Variants in CAMK4 observed in about 807,000 individuals in gnomAD.
CAMK4 encodes calcium/calmodulin dependent protein kinase IV.
CAMK4 carries 22 observed loss-of-function variants against 44.9 expected under a neutral mutation model. That is an observed-to-expected ratio of 0.49 (90% confidence interval 0.35 to 0.70). The LOEUF (loss-of-function observed/expected upper bound fraction) is 0.70, where lower values mean the gene tolerates loss of function less well. Ranked by LOEUF, CAMK4 falls within the 30% of genes least tolerant of loss-of-function variation. The pLI is 0.01. For synonymous variants in CAMK4, 218 were observed against 215.4 expected (o/e 1.01, Z -0.11); for missense variants, 498 against 586.8 (o/e 0.85, Z 1.56).
chr5:111,318,548 C>T (rs999080988), intron 1 of CAMK4, among the ~76,000 whole-genome samples: 11 of 152,050 alleles, frequency 7.2e-5, no homozygotes, highest in African/African-American at 2.7e-4. Context: ...GGTGGAGGAA[C>T]TAACAGAGTG....
chr5:111,257,964 G>T (rs150950137), intron 1 of CAMK4, among the ~76,000 whole-genome samples: 126 of 152,212 alleles, frequency 8.3e-4, no homozygotes, highest in African/African-American at 2.8e-3. Context: ...TGGACAATGA[G>T]ATACCATCTC....
chr5:111,235,904 G>T (rs942489537), intron 1 of CAMK4, among the ~76,000 whole-genome samples: 5 of 152,290 alleles, frequency 3.3e-5, no homozygotes, highest in Middle Eastern at 3.4e-3. Context: ...CTGAGGCGGG[G>T]AGCACCAAGC....
At chr5:111,363,197 C>A (rs1381834914) in intron 2 of CAMK4, among the ~76,000 whole-genome samples, 2 of 152,070 alleles carry the variant, frequency 1.3e-5, no homozygotes, top group Non-Finnish European at 2.9e-5. Flanking sequence ...GAAAGAGAAT[C>A]TAGAGGCTCT....
chr5:111,431,571 A>T (rs947683906), intron 5 of CAMK4, among the ~76,000 whole-genome samples: 1 of 152,182 alleles, frequency 6.6e-6, no homozygotes, highest in Non-Finnish European at 1.5e-5. Flanking sequence ...AAGTGAAGAG[A>T]CAACCCACAG....
intron 1 of CAMK4, among the ~76,000 whole-genome samples, chr5:111,225,308 T>C (rs758031666): frequency 2.0e-5 from 3 of 152,188 alleles, no homozygotes; most frequent in Non-Finnish European, 2.9e-5. Flanking sequence ...TTTATTTAAA[T>C]TATATATGCA....
intron 2 of CAMK4, among the ~76,000 whole-genome samples, chr5:111,370,942 C>G (rs974912069): frequency 1.5e-5 from 2 of 131,422 alleles, no homozygotes; most frequent in Admixed American, 1.5e-4. Flanking sequence ...CAACGTGTAT[C>G]CTTATGTTTT....
chr5:111,264,520 T>G (rs1259324102), intron 1 of CAMK4, among the ~76,000 whole-genome samples: 1 of 152,172 alleles, frequency 6.6e-6, no homozygotes, highest in African/African-American at 2.4e-5. Context: ...CTTTATTCAG[T>G]GTCGTTTGTC....
intron 2 of CAMK4, among the ~76,000 whole-genome samples, chr5:111,369,369 C>A (rs1393738125): frequency 6.6e-6 from 1 of 152,004 alleles, no homozygotes; most frequent in Non-Finnish European, 1.5e-5. Context: ...CCAGCTGATA[C>A]AAAATTATTG....
chr5:111,247,214 ATAG>A (rs929944713), intron 1 of CAMK4, among the ~76,000 whole-genome samples: 5 of 151,120 alleles, frequency 3.3e-5, no homozygotes, highest in Admixed American at 1.3e-4. Flanking sequence ...ATATGTAAAA[ATAG>A]TAGGATATAG....
chr5:111,419,576 G>T (rs1752945939), intron 5 of CAMK4, among the ~76,000 whole-genome samples: 1 of 152,074 alleles, frequency 6.6e-6, no homozygotes, highest in Non-Finnish European at 1.5e-5. Context: ...TATGGTTTTA[G>T]GTCTAACATG....
chr5:111,250,956 A>G (rs1482529189), intron 1 of CAMK4, among the ~76,000 whole-genome samples: 1 of 152,122 alleles, frequency 6.6e-6, no homozygotes, highest in Non-Finnish European at 1.5e-5. Context: ...GCACCCAGCC[A>G]TTATTTATGT....
In CAMK4 at chr5:111,406,521, G is replaced by C. The variant is rs535692566; in HGVS notation, c.459+11739G>C. Among the ~76,000 whole-genome samples, 4 of 129,460 alleles carry C rather than the reference G, an allele frequency of 3.1e-5. No homozygotes were observed. In the East Asian group the frequency reaches 1.0e-3, roughly 33 times the overall value. The allele number at this position is 129,460 out of a possible 152,430, so 84.9% of individuals were successfully genotyped here. On this transcript the variant is annotated intron_variant, in intron 5 of 10. Coordinates refer to ENST00000282356, the MANE Select transcript of CAMK4 (RefSeq NM_001744.6). ...TTACAGGTGTGAGCCTCCGTACCTG[G>C]CCAATTTTTTTCTTTTTACGCTCTT...
intron 7 of CAMK4, among the ~76,000 whole-genome samples, chr5:111,458,721 T>C (rs1178669118): frequency 6.6e-6 from 1 of 152,096 alleles, no homozygotes; most frequent in African/African-American, 2.4e-5. Flanking sequence ...ATGGAATATA[T>C]AAGCAAAAAT....
intron 1 of CAMK4, among the ~76,000 whole-genome samples, chr5:111,328,538 A>T (rs920988930): frequency 1.3e-5 from 2 of 151,812 alleles, no homozygotes; most frequent in Admixed American, 6.6e-5. Context: ...TTTTTTCCGA[A>T]TCTGTGAAGA....
rs143537786 is a variant in CAMK4, at chr5:111,242,687, C to T, written c.161+18043C>T. On this transcript the variant is annotated intron_variant, in intron 1 of 10. Coordinates refer to ENST00000282356, the MANE Select transcript of CAMK4 (RefSeq NM_001744.6). ...GCAGGTCTTTTCAGAACAGCCGTTGCGCTTGCCGTCTTACGCCCACCACTC... is the reference window on the plus strand; with the variant it reads ...GCAGGTCTTTTCAGAACAGCCGTTGTGCTTGCCGTCTTACGCCCACCACTC... 4.6e-3 allele frequency among the ~76,000 whole-genome samples: 697 copies of T among 152,214 alleles called. 7 individuals carry two copies. The highest frequency in any genetic ancestry group is 0.019 in the East Asian group (96 of 5,170).
At chr5:111,396,514 G>A (rs927976510) in intron 5 of CAMK4, among the ~76,000 whole-genome samples, 1 of 150,540 alleles carries the variant, frequency 6.6e-6, no homozygotes, top group African/African-American at 2.4e-5. Flanking sequence ...TCCAACTTCA[G>A]TTGAATCTTT....
chr5:111,471,421 A>T (rs1205862142), intron 7 of CAMK4, among the ~76,000 whole-genome samples: 1 of 152,190 alleles, frequency 6.6e-6, no homozygotes, highest in Non-Finnish European at 1.5e-5. Flanking sequence ...AAAATGAGTT[A>T]TCCACTTGTA....
At chr5:111,379,855 G>C (rs1207471877) in intron 4 of CAMK4, among the ~76,000 whole-genome samples, 2 of 151,986 alleles carry the variant, frequency 1.3e-5, no homozygotes, top group Non-Finnish European at 2.9e-5. Flanking sequence ...ATTAAACATA[G>C]TCAAAATCCA....
chr5:111,419,700 A>C (rs1752951123), intron 5 of CAMK4, among the ~76,000 whole-genome samples: 1 of 152,142 alleles, frequency 6.6e-6, no homozygotes, highest in Non-Finnish European at 1.5e-5. Context: ...TTAAATAGGG[A>C]ATCCTTTCCC....
Sources: allele counts gnomAD v4.1 joint callset (sites outside exome capture counted in the v4.1 genomes callset), GRCh38; gene constraint gnomAD v4.1.1; transcripts MANE v1.5; gene names NCBI Gene and HGNC (gene_info 2026-07-23, HGNC 2026-07-21).